The following PAPOLG variants were observed in gnomAD, a reference collection of about 807,000 sequenced individuals.
PAPOLG encodes the protein PAP-gamma.
In PAPOLG, 40 loss-of-function variants were observed where a neutral mutation model predicts 99.0. The ratio of observed to expected loss-of-function variants is 0.40; its 90% CI spans 0.31 to 0.53. The LOEUF is 0.53. Ranked by LOEUF, PAPOLG falls within the 20% of genes least tolerant of loss-of-function variation. The probability of loss-of-function intolerance (pLI) is 0.41; values close to 1 mark genes in which losing one functional copy is unlikely to be tolerated. For synonymous variants in PAPOLG, 310 were observed against 299.3 expected (o/e 1.04, Z -0.37); for missense variants, 675 against 884.1 (o/e 0.76, Z 3.00).
At chr2:60,783,717 T>G (rs1456545472) in intron 13 of PAPOLG, among the ~76,000 whole-genome samples, 1 of 152,002 alleles carries the variant, frequency 6.6e-6, no homozygotes, top group Non-Finnish European at 1.5e-5. Context: ...TTTTACCATG[T>G]TGGCCAGGCT....
At chr2:60,775,183 A>G in intron 8 of PAPOLG, 60 bp downstream of exon 8, 1 of 1,530,600 alleles carries the variant, frequency 6.5e-7, no homozygotes. Context: ...CTTGCCAGTG[A>G]AAGAAGCATA....
intron 1 of PAPOLG, 127 bp downstream of exon 1, chr2:60,756,622 C>T (rs1670349275): frequency 6.5e-6 from 7 of 1,069,428 alleles, no homozygotes; most frequent in East Asian, 2.9e-5. Context: ...GGTCTCCTTC[C>T]CGGCTCCCGG....
intron 21 of PAPOLG, 62 bp from the exon 22 acceptor site, chr2:60,797,000 C>A: frequency 6.3e-7 from 1 of 1,593,972 alleles, no homozygotes; most frequent in Non-Finnish European, 8.6e-7. Flanking sequence ...GACTTTCTAG[C>A]TGGGCCTTTA....
At chr2:60,773,713 A>AAC (rs1553377441) in intron 7 of PAPOLG, among the ~76,000 whole-genome samples, 1 of 152,014 alleles carries the variant, frequency 6.6e-6, no homozygotes, top group Non-Finnish European at 1.5e-5. Context: ...AAAAAAAAAA[A>AAC]CCAGCAGTCA....
At chr2:60,776,418 A>ATTTTTTTTTT (rs70959863) in intron 8 of PAPOLG, among the ~76,000 whole-genome samples, 1 of 85,868 alleles carries the variant, frequency 1.2e-5, no homozygotes, top group Non-Finnish European at 2.3e-5. Context: ...CATTGGCTTC[A>ATTTTTTTTTT]TTTTTTTTTT....
chr2:60,761,923 T>C, intron 3 of PAPOLG, 116 bp downstream of exon 3: 1 of 778,412 alleles, frequency 1.3e-6, no homozygotes, highest in Non-Finnish European at 2.2e-6. Flanking sequence ...GGCTCTCTGG[T>C]ATATGTAGGA....
At position 60,792,207 on chromosome 2, in the gene PAPOLG, A is replaced by G; in HGVS notation, c.1597A>G (p.Ser533Gly). 6.2e-7 allele frequency: 1 copy of G among 1,608,336 alleles called. No homozygotes were observed. Among genetic ancestry groups the G allele is most frequent in the East Asian group, 2.2e-5 (1 of 44,854 alleles). ...RLSLDSSCLD[S>G]SRDTDNGTPF... Reference sequence around the variant, plus strand: ...GTCTCTGGATAGCAGTTGTCTGGATAGCTCCAGAGACACTGATAATGGAAC... The same window carrying G: ...GTCTCTGGATAGCAGTTGTCTGGATGGCTCCAGAGACACTGATAATGGAAC... Residue 533 changes from serine (S) to glycine (G), a missense_variant, in exon 17 of 22, where the codon AGC (serine) becomes GGC (glycine). Physicochemically the swap from Ser to Gly is moderately conservative, Grantham distance 56. Around this residue, in one of 3 missense-constraint regions of PAPOLG, gnomAD observed 413 missense variants for 460.5 expected, o/e 0.90. Coordinates refer to ENST00000238714, the MANE Select transcript of PAPOLG (RefSeq NM_022894.4).
At chr2:60,761,433 GT>G (rs2103757097) in intron 2 of PAPOLG, among the ~76,000 whole-genome samples, 1 of 152,252 alleles carries the variant, frequency 6.6e-6, no homozygotes, top group Admixed American at 6.5e-5. Flanking sequence ...AGCCAAGAAA[GT>G]TGACAGTTCA....
At chr2:60,786,263 C>T (rs1485137029) in intron 13 of PAPOLG, among the ~76,000 whole-genome samples, 1 of 152,126 alleles carries the variant, frequency 6.6e-6, no homozygotes, top group Non-Finnish European at 1.5e-5. Flanking sequence ...TGGAACCTCA[C>T]TCTGTCACCC....
intron 8 of PAPOLG, among the ~76,000 whole-genome samples, chr2:60,777,756 T>C (rs913684746): frequency 6.6e-6 from 1 of 152,162 alleles, no homozygotes; most frequent in Non-Finnish European, 1.5e-5. Context: ...TTAAGTATTG[T>C]TGTGTCTCCA....
Position 60,782,010 on chromosome 2 carries a change from A to AC in PAPOLG, c.1027+6dup. 1 of 1,613,192 alleles carries AC rather than the reference A, an allele frequency of 6.2e-7. No individual in the cohort carries two copies. Among genetic ancestry groups the AC allele is most frequent in the East Asian group, 2.2e-5 (1 of 44,846 alleles). On this transcript the variant is annotated splice_donor_region_variant and intron_variant, in intron 11 of 21. Transcript: ENST00000238714. ...TGGTAGAAGAATTTAAACAAGGTAAACATGTGGCCCTGTTGCCCTTTACAT... is the reference window on the plus strand; with the variant it reads ...TGGTAGAAGAATTTAAACAAGGTAAACCATGTGGCCCTGTTGCCCTTTACAT...
chr2:60,796,765 C>T (rs1165871103), intron 21 of PAPOLG, among the ~76,000 whole-genome samples: 1 of 151,764 alleles, frequency 6.6e-6, no homozygotes, highest in Non-Finnish European at 1.5e-5. Context: ...GTTCTTTATG[C>T]ATTTCTTGAT....
chr2:60,776,725 G>A (rs1261727859), intron 8 of PAPOLG, among the ~76,000 whole-genome samples: 1 of 152,080 alleles, frequency 6.6e-6, no homozygotes, highest in Admixed American at 6.6e-5. Flanking sequence ...ACCATGCCCG[G>A]CCAGCTTCAA....
intron 11 of PAPOLG, 133 bp downstream of exon 11, chr2:60,782,138 A>G: frequency 1.0e-6 from 1 of 995,432 alleles, no homozygotes; most frequent in Middle Eastern, 2.2e-4. Context: ...AAGTATGGTT[A>G]TTTTGTTTTT....
At position 60,771,554 on chromosome 2, in the gene PAPOLG, C is replaced by G; in HGVS notation, c.528C>G (p.Thr176=). The change falls in exon 7 of 22, where the codon ACC becomes ACG. Residue 176 remains threonine (T), a synonymous_variant. Coordinates refer to ENST00000238714, the MANE Select transcript of PAPOLG (RefSeq NM_022894.4). ...DLVFARLAIQ[T]ISDNLDLRDD... ...TCTTTGCAAGACTGGCAATACAAAC[C>G]ATATCAGATAATTTAGATCTAAGAG... 2.5e-6 allele frequency: 4 copies of G among 1,605,510 alleles called. No individual in the cohort carries two copies. The highest frequency in any genetic ancestry group is 3.4e-6 in the Non-Finnish European group (4 of 1,177,640).
intron 8 of PAPOLG, among the ~76,000 whole-genome samples, chr2:60,776,280 A>G (rs1428213446): frequency 6.6e-6 from 1 of 152,126 alleles, no homozygotes; most frequent in Non-Finnish European, 1.5e-5. Flanking sequence ...TGGGCTTTAA[A>G]ATACTCAGTA....
In PAPOLG at chr2:60,756,375, C is replaced by G. The variant is rs1670338995; in HGVS notation, c.-104C>G. 3.4e-6 allele frequency: 5 copies of G among 1,460,666 alleles called. No individual in the cohort carries two copies. The East Asian group carries it at 6.9e-5, about 20-fold the overall frequency. The allele number at this position is 1,460,666 out of a possible 1,614,324, so 90.5% of individuals were successfully genotyped here. A position where few individuals can be genotyped will look rare whatever the true frequency, so the allele number is the denominator to read the frequency against. ...GTAAGTGGGAAAGTGAGCGAGCAAG[C>G]GAGCTACTAGCGACCGGAGGAAAGT... On this transcript the variant is annotated 5_prime_UTR_variant, in exon 1 of 22. Transcript: ENST00000238714.
At chr2:60,780,844 G>A (rs1671166671) in intron 10 of PAPOLG, 65 bp downstream of exon 10, 2 of 1,290,204 alleles carry the variant, frequency 1.6e-6, no homozygotes, top group South Asian at 2.4e-5. Flanking sequence ...CTAAATTACA[G>A]TCTAGTTAAA....
chr2:60,779,431 T>C (rs552923465), intron 8 of PAPOLG: 1 of 503,986 alleles, frequency 2.0e-6, no homozygotes, highest in Non-Finnish European at 3.5e-6. Flanking sequence ...TATGGTTTAC[T>C]AATTAGACTG....
Sources: allele counts gnomAD v4.1 joint callset (sites outside exome capture counted in the v4.1 genomes callset), GRCh38; gene constraint gnomAD v4.1.1; regional missense constraint gnomAD v4.1.1; transcripts MANE v1.5; gene names NCBI Gene and HGNC (gene_info 2026-07-23, HGNC 2026-07-21).